Variants in FAM98A observed in about 807,000 individuals in gnomAD.
FAM98A encodes the protein tRNA splicing ligase complex subunit 3A.
A neutral mutation model predicts 62.9 loss-of-function variants in FAM98A; 25 were observed. The observed-to-expected ratio is 0.40, with a 90% CI of 0.29 to 0.56. The LOEUF is 0.56. FAM98A is among the 20% of genes least tolerant of loss of function. The probability of loss-of-function intolerance (pLI) is 0.51; values close to 1 mark genes in which losing one functional copy is unlikely to be tolerated. For missense variants in FAM98A, 653 were observed against 640.7 expected (o/e 1.02, Z -0.21); for synonymous variants, 252 against 228.6 (o/e 1.10, Z -0.92).
intron 3 of FAM98A, among the ~76,000 whole-genome samples, chr2:33,590,599 T>A (rs1677649236): frequency 6.6e-6 from 1 of 152,146 alleles, no homozygotes; most frequent in South Asian, 2.1e-4. Flanking sequence ...TATATATGTA[T>A]GTATGAAGAA....
At chr2:33,588,702 C>A in intron 3 of FAM98A, 183 bp from the exon 4 acceptor site, 2 of 433,530 alleles carry the variant, frequency 4.6e-6, no homozygotes, top group Non-Finnish European at 8.1e-6. Context: ...TTATGTAATT[C>A]AGTTATTTAA....
Position 33,596,255 on chromosome 2 carries a change from A to G in FAM98A, c.54-618T>C, listed in dbSNP as rs1257074269. On this transcript the variant is annotated intron_variant, in intron 1 of 7. Transcript: ENST00000238823. ...AAAAGTAAAAACTTTCCAGTTAACC[A>G]TTTATATCATTTTTATAAATTTAAT... Among the ~76,000 whole-genome samples the G allele has an allele frequency of 3.9e-5, 6 of 152,172 alleles. No individual in the cohort carries two copies. In the South Asian group the frequency reaches 8.3e-4, roughly 21 times the overall value.
At position 33,592,128 on chromosome 2, in the gene FAM98A, C is replaced by G; in HGVS notation, c.289G>C (p.Asp97His). The G allele has an allele frequency of 6.2e-7, 1 of 1,613,640 alleles. No individual in the cohort carries two copies. The highest frequency in any genetic ancestry group is 8.5e-7 in the Non-Finnish European group (1 of 1,179,664). The change falls in exon 3 of 8, where the codon GAT (aspartate) becomes CAT (histidine). Residue 97 changes from aspartate (D) to histidine (H), a missense_variant. Physicochemically the swap from Asp to His is moderately conservative, Grantham distance 81 (BLOSUM62 -1). Coordinates refer to ENST00000238823, the MANE Select transcript of FAM98A (RefSeq NM_015475.5). ...NCPYLSLTSGDVTKRLLIQKN... is the reference protein window; with the variant it reads ...NCPYLSLTSGHVTKRLLIQKN... The stretch of plus-strand genomic sequence containing the variant: ...TGAATGAGAAGGCGCTTGGTCACAT[C>G]CCCAGATGTCAGTGAAAGATACGGG...
chr2:33,591,091 C>G (rs1036186686), intron 3 of FAM98A, among the ~76,000 whole-genome samples: 1 of 152,054 alleles, frequency 6.6e-6, no homozygotes, highest in African/African-American at 2.4e-5. Context: ...CAACACCTAA[C>G]CTTACGTGCA....
chr2:33,586,449 C>A (rs935625), intron 6 of FAM98A, 113 bp downstream of exon 6: 5 of 624,398 alleles, frequency 8.0e-6, no homozygotes, highest in Non-Finnish European at 1.4e-5. Context: ...AGGAAAAATC[C>A]CTATGTGTGT....
chr2:33,592,946 G>A (rs1558549673), intron 2 of FAM98A, among the ~76,000 whole-genome samples: 1 of 152,104 alleles, frequency 6.6e-6, no homozygotes, highest in Non-Finnish European at 1.5e-5. Context: ...TATTCCCTGT[G>A]ACAGATATGT....
chr2:33,592,814 T>C (rs3023), intron 2 of FAM98A, among the ~76,000 whole-genome samples: 116,668 of 152,104 alleles, frequency 0.77, 45,429 homozygotes, highest in African/African-American at 0.86. Flanking sequence ...TTGTTCTTCC[T>C]AGCATATTCA....
At chr2:33,587,160 G>A in intron 5 of FAM98A, 80 bp downstream of exon 5, 1 of 882,438 alleles carries the variant, frequency 1.1e-6, no homozygotes, top group Non-Finnish European at 1.8e-6. Context: ...AATTTAAAAA[G>A]CACAAAATGT....
chr2:33,592,652 C>A (rs1460307183), intron 2 of FAM98A, among the ~76,000 whole-genome samples: 1 of 152,216 alleles, frequency 6.6e-6, no homozygotes. Flanking sequence ...TTACTACAGG[C>A]ATGAGCCACT....
At chr2:33,594,658 TATATATAC>T (rs1677758850) in intron 2 of FAM98A, among the ~76,000 whole-genome samples, 1 of 115,924 alleles carries the variant, frequency 8.6e-6, no homozygotes, top group Non-Finnish European at 1.7e-5. Context: ...TATACACACA[TATATATAC>T]ACATATATAT....
At chr2:33,598,682 C>A (rs111782495) in intron 1 of FAM98A, among the ~76,000 whole-genome samples, 60 of 152,108 alleles carry the variant, frequency 3.9e-4, no homozygotes, top group African/African-American at 1.3e-3. Context: ...CTTAGCGAAG[C>A]CTGGGTGCAT....
chr2:33,596,106 C>T (rs114587461), intron 1 of FAM98A, among the ~76,000 whole-genome samples: 2,608 of 152,296 alleles, frequency 0.017, 30 homozygotes, highest in Middle Eastern at 0.048. Flanking sequence ...CTTGCACTGT[C>T]ACATAGGCTG....
At chr2:33,598,316 G>A (rs1382923525) in intron 1 of FAM98A, among the ~76,000 whole-genome samples, 1 of 152,200 alleles carries the variant, frequency 6.6e-6, no homozygotes, top group East Asian at 1.9e-4. Context: ...CGTACCTGTA[G>A]GTAAGTATCT....
intron 2 of FAM98A, among the ~76,000 whole-genome samples, chr2:33,592,967 C>T (rs2151145936): frequency 6.6e-6 from 1 of 152,332 alleles, no homozygotes; most frequent in South Asian, 2.1e-4. Flanking sequence ...CCTCTACTCT[C>T]TTCCCCTCTA....
At chr2:33,595,781 T>C (rs1246820843) in intron 1 of FAM98A, 144 bp from the exon 2 acceptor site, 2 of 561,714 alleles carry the variant, frequency 3.6e-6, no homozygotes, top group African/African-American at 2.0e-5. Flanking sequence ...TGGACAAATA[T>C]AAACATAATT....
intron 6 of FAM98A, 32 bp from the exon 7 acceptor site, chr2:33,585,729 T>C: frequency 6.3e-7 from 1 of 1,581,322 alleles, no homozygotes; most frequent in Non-Finnish European, 8.6e-7. Context: ...AAGAGAAATG[T>C]CAATTTTCAA....
intron 2 of FAM98A, among the ~76,000 whole-genome samples, chr2:33,593,468 T>A (rs776230144): frequency 6.6e-6 from 1 of 152,146 alleles, no homozygotes; most frequent in East Asian, 1.9e-4. Flanking sequence ...ACATTCTCAA[T>A]TAGAAAAAAT....
intron 4 of FAM98A, chr2:33,587,713 G>C (rs569270099): frequency 5.0e-6 from 1 of 201,834 alleles, no homozygotes; most frequent in Admixed American, 5.2e-5. Context: ...CAGCAGATAA[G>C]CGTATAGGGA....
intron 5 of FAM98A, 47 bp from the exon 6 acceptor site, chr2:33,586,725 T>C (rs748440465): frequency 7.0e-6 from 9 of 1,292,520 alleles, no homozygotes; most frequent in Non-Finnish European, 1.0e-5. Context: ...TCTGCTTGAT[T>C]CTCTGTCCCA....
Sources: gnomAD v4.1 joint callset for allele counts (sites outside exome capture counted in the v4.1 genomes callset) on GRCh38, gnomAD v4.1.1 for gene constraint, MANE v1.5 for transcripts, NCBI Gene and HGNC (gene_info 2026-07-23, HGNC 2026-07-21) for gene names.